The following DPF3 variants were observed in gnomAD, a reference collection of about 807,000 sequenced individuals.
DPF3 encodes double PHD fingers 3.
DPF3 carries 18 observed loss-of-function variants against 56.8 expected under a neutral mutation model. The ratio of observed to expected loss-of-function variants is 0.32; its 90% confidence interval spans 0.22 to 0.47. The LOEUF is 0.47. DPF3 is among the 20% of genes least tolerant of loss of function. The pLI is 1.00. For synonymous variants in DPF3, 188 were observed against 180.2 expected, an observed-to-expected ratio of 1.04 and a Z score of -0.35; for missense variants, 403 against 488.8, an observed-to-expected ratio of 0.82 and a Z score of 1.65.
At chr14:72,859,479 C>CCG (rs1567259812) in intron 1 of DPF3, among the ~76,000 whole-genome samples, 1 of 110,728 alleles carries the variant, frequency 9.0e-6, no homozygotes, top group African/African-American at 3.3e-5. Flanking sequence ...TCCCCCCCCC[C>CCG]CCCCACACCA....
rs1191901111 is a variant in DPF3, at chr14:72,630,376, A to G, written c.872-640T>C. On this transcript the variant is annotated intron_variant, in intron 8 of 10. Coordinates refer to ENST00000556509, the MANE Select transcript of DPF3 (RefSeq NM_001280542.3). ...GGATGGCAAAGAAATGGAGCATCAG[A>G]GCAAATGGCCAGGTCTATCCTAAAA... is the stretch of plus-strand genomic sequence containing the variant. Among the ~76,000 whole-genome samples, 34 of 152,218 alleles carry G rather than the reference A, an allele frequency of 2.2e-4. 1 individual carries two copies. Among genetic ancestry groups the G allele is most frequent in the Admixed American group, 2.2e-3 (34 of 15,286 alleles).
chr14:72,729,588 C>A (rs2139852050), intron 4 of DPF3, among the ~76,000 whole-genome samples: 1 of 152,164 alleles, frequency 6.6e-6, no homozygotes, highest in South Asian at 2.1e-4. Flanking sequence ...GAATATTATT[C>A]AGCATTAAAA....
intron 8 of DPF3, chr14:72,661,702 C>T: frequency 1.0e-6 from 1 of 985,468 alleles, no homozygotes; most frequent in Non-Finnish European, 1.2e-6. Flanking sequence ...TTGAGGTTCT[C>T]ATCCTTCAGG....
At chr14:72,785,562 A>T (rs1892178472) in intron 1 of DPF3, among the ~76,000 whole-genome samples, 1 of 152,160 alleles carries the variant, frequency 6.6e-6, no homozygotes, top group Admixed American at 6.5e-5. Context: ...CCTTTCTTGG[A>T]GGCACTAGAA....
At chr14:72,827,125 A>AG (rs11448438) in intron 1 of DPF3, among the ~76,000 whole-genome samples, 145,771 of 151,918 alleles carry the variant, frequency 0.96, 69,987 homozygotes, top group East Asian at 1. Flanking sequence ...GTATAAGTCC[A>AG]GCTTCTTTTT....
At chr14:72,648,160 A>C (rs1238053487) in intron 8 of DPF3, among the ~76,000 whole-genome samples, 1 of 152,222 alleles carries the variant, frequency 6.6e-6, no homozygotes, top group Non-Finnish European at 1.5e-5. Flanking sequence ...CCCGTATTTC[A>C]CTAGTCGAAT....
intron 1 of DPF3, among the ~76,000 whole-genome samples, chr14:72,779,874 T>C (rs925315096): frequency 6.6e-6 from 1 of 152,178 alleles, no homozygotes; most frequent in Non-Finnish European, 1.5e-5. Flanking sequence ...CAAACCTCTG[T>C]CCCAGGACAG....
intron 1 of DPF3, among the ~76,000 whole-genome samples, chr14:72,779,124 A>C (rs559616479): frequency 1.7e-3 from 253 of 152,334 alleles, no homozygotes; most frequent in Non-Finnish European, 3.0e-3. Context: ...TCTCCATTGA[A>C]AAGCATTTGA....
At chr14:72,689,221 A>G (rs1420991723) in intron 7 of DPF3, among the ~76,000 whole-genome samples, 1 of 152,196 alleles carries the variant, frequency 6.6e-6, no homozygotes, top group Non-Finnish European at 1.5e-5. Context: ...CGATAGAGCA[A>G]GCGACAGCAG....
At chr14:72,836,755 C>T (rs1884314936) in intron 1 of DPF3, among the ~76,000 whole-genome samples, 1 of 152,072 alleles carries the variant, frequency 6.6e-6, no homozygotes, top group African/African-American at 2.4e-5. Flanking sequence ...GGTCAATCTA[C>T]TCCTAGATTT....
intron 4 of DPF3, among the ~76,000 whole-genome samples, chr14:72,724,457 C>T (rs1330422545): frequency 1.3e-5 from 2 of 152,076 alleles, no homozygotes; most frequent in East Asian, 1.9e-4. Context: ...GGTTCATCGG[C>T]TCAGGGTTCC....
At position 72,880,251 on chromosome 14, in the gene DPF3, T is replaced by C. The variant is rs139910681; in HGVS notation, c.32+13806A>G. On this transcript the variant is annotated intron_variant, in intron 1 of 10. Transcript: ENST00000556509. ...CTTTCCATAAAGCCACATGGAAGAGTGTCTTCTCAGCCTCCTGTTCCTGGA... is the reference window on the plus strand; with the variant it reads ...CTTTCCATAAAGCCACATGGAAGAGCGTCTTCTCAGCCTCCTGTTCCTGGA... Among the ~76,000 whole-genome samples, 18 of 152,136 alleles carry C rather than the reference T, an allele frequency of 1.2e-4. No homozygotes were observed. The East Asian group carries it at 3.1e-3, about 26-fold the overall frequency.
At chr14:72,781,666 G>T (rs1158484673) in intron 1 of DPF3, among the ~76,000 whole-genome samples, 1 of 151,746 alleles carries the variant, frequency 6.6e-6, no homozygotes, top group Non-Finnish European at 1.5e-5. Context: ...ACAAGAGACT[G>T]GTGGCAGGAT....
Position 72,611,705 on chromosome 14 carries a change from T to A in DPF3, c.*7592A>T, listed in dbSNP as rs1014200509. On this transcript the variant is annotated 3_prime_UTR_variant, in exon 11 of 11. Transcript: ENST00000556509. ...GACTTCATCAGTTCACCAGTTTTAATGCTGAGGATGCTGTCATCCAAGGGC... is the reference window on the plus strand; with the variant it reads ...GACTTCATCAGTTCACCAGTTTTAAAGCTGAGGATGCTGTCATCCAAGGGC... Among the ~76,000 whole-genome samples the A allele has an allele frequency of 3.3e-5, 5 of 152,182 alleles. No homozygotes were observed. The highest frequency in any genetic ancestry group is 1.2e-4 in the African/African-American group (5 of 41,430).
intron 1 of DPF3, among the ~76,000 whole-genome samples, chr14:72,813,903 T>C (rs1380572028): frequency 1.3e-5 from 2 of 152,056 alleles, no homozygotes; most frequent in Non-Finnish European, 2.9e-5. Context: ...ATAATCAGTG[T>C]GGGAAGGATG....
At chr14:72,793,718 T>A (rs1012347468) in intron 1 of DPF3, among the ~76,000 whole-genome samples, 2 of 152,216 alleles carry the variant, frequency 1.3e-5, no homozygotes, top group East Asian at 3.9e-4. Flanking sequence ...CGTCCCCACC[T>A]CTCACTTGCC....
At chr14:72,829,887 C>T (rs1275026649) in intron 1 of DPF3, among the ~76,000 whole-genome samples, 3 of 152,000 alleles carry the variant, frequency 2.0e-5, no homozygotes, top group South Asian at 2.1e-4. Flanking sequence ...GGATTACAGG[C>T]GCCTGCTACC....
At chr14:72,723,910 G>C (rs140569400) in intron 4 of DPF3, 182 bp from the exon 5 acceptor site, 1 of 570,108 alleles carries the variant, frequency 1.8e-6, no homozygotes, top group African/African-American at 2.0e-5. Context: ...TGGCACTACC[G>C]AGGCTCTCCT....
At chr14:72,678,503 AG>A (rs1307879409) in intron 7 of DPF3, among the ~76,000 whole-genome samples, 2 of 152,238 alleles carry the variant, frequency 1.3e-5, no homozygotes, top group South Asian at 2.1e-4. Context: ...AGGCTCATGA[AG>A]GAATTTTTTT....
Sources: gnomAD v4.1 joint callset for allele counts (sites outside exome capture counted in the v4.1 genomes callset) on GRCh38, gnomAD v4.1.1 for gene constraint, MANE v1.5 for transcripts, NCBI Gene and HGNC (gene_info 2026-07-23, HGNC 2026-07-21) for gene names.